Variants in PCCA observed in about 807,000 individuals in gnomAD.
The protein encoded by PCCA is propionyl-CoA carboxylase subunit alpha, also known as propionyl-CoA carboxylase alpha chain, mitochondrial.
A neutral mutation model predicts 101.3 loss-of-function variants in PCCA; 74 were observed. The observed-to-expected ratio is 0.73, with a 90% CI of 0.61 to 0.89. The LOEUF is 0.89. Among genes scored for constraint, PCCA ranks in the 40% least tolerant of loss-of-function variants. The pLI is 0.00. For synonymous variants in PCCA, 294 were observed against 313.6 expected, an observed-to-expected ratio of 0.94 and a Z score of 0.66; for missense variants, 891 against 907.0, an observed-to-expected ratio of 0.98 and a Z score of 0.23.
chr13:100,428,314 C>A (rs904949158), intron 20 of PCCA, among the ~76,000 whole-genome samples: 1 of 143,142 alleles, frequency 7.0e-6, no homozygotes, highest in African/African-American at 2.8e-5. Flanking sequence ...GCAACCCTGC[C>A]TCCTCCCCGA....
intron 21 of PCCA, among the ~76,000 whole-genome samples, chr13:100,511,409 C>A (rs1224945389): frequency 6.6e-6 from 1 of 152,142 alleles, no homozygotes; most frequent in Non-Finnish European, 1.5e-5. Context: ...AGGTGTAAAA[C>A]CTTGACTAGG....
At chr13:100,258,887 TA>T (rs1474325019) in intron 9 of PCCA, among the ~76,000 whole-genome samples, 1 of 152,160 alleles carries the variant, frequency 6.6e-6, no homozygotes, top group African/African-American at 2.4e-5. Context: ...GCTTGATAAA[TA>T]AACCATCTCA....
chr13:100,452,944 C>G (rs992349398), intron 21 of PCCA, among the ~76,000 whole-genome samples: 6 of 152,030 alleles, frequency 3.9e-5, no homozygotes, highest in African/African-American at 1.2e-4. Context: ...TGGCTCGTGC[C>G]TATAAACTCA....
In PCCA at chr13:100,126,858, A is replaced by G. The variant is rs1278317063; in HGVS notation, c.300+14797A>G. Among the ~76,000 whole-genome samples, 12 of 152,260 alleles carry G rather than the reference A, an allele frequency of 7.9e-5. No individual in the cohort carries two copies. In the East Asian group the frequency reaches 2.1e-3, roughly 27 times the overall value. On this transcript the variant is annotated intron_variant, in intron 4 of 23. Transcript: ENST00000376285. Reference sequence around the variant, plus strand: ...AACTTTCTACCAAACTGTGACTTTCATGTATTAACTTAATTAAAGCAGTGT... The same window carrying G: ...AACTTTCTACCAAACTGTGACTTTCGTGTATTAACTTAATTAAAGCAGTGT...
intron 20 of PCCA, among the ~76,000 whole-genome samples, chr13:100,435,456 G>A (rs1346002374): frequency 6.6e-6 from 1 of 152,218 alleles, no homozygotes. Flanking sequence ...CTGATTAGAT[G>A]AGTAAGTAGT....
At chr13:100,528,949 C>G (rs1270621943) in intron 23 of PCCA, among the ~76,000 whole-genome samples, 2 of 152,104 alleles carry the variant, frequency 1.3e-5, no homozygotes, top group Admixed American at 6.5e-5. Context: ...TGCGGCAGGT[C>G]TGAGGTGCTA....
intron 22 of PCCA, among the ~76,000 whole-genome samples, chr13:100,524,597 C>G (rs2087591998): frequency 6.6e-6 from 1 of 152,134 alleles, no homozygotes; most frequent in Non-Finnish European, 1.5e-5. Flanking sequence ...CTAGGCTGGG[C>G]ACAGTGGCAC....
chr13:100,324,772 G>A (rs746745809), intron 16 of PCCA, among the ~76,000 whole-genome samples: 3 of 152,182 alleles, frequency 2.0e-5, no homozygotes, highest in Non-Finnish European at 4.4e-5. Flanking sequence ...GAGTTCAAGT[G>A]TTGCGAGTAT....
At chr13:100,391,139 T>C (rs2076778558) in intron 19 of PCCA, among the ~76,000 whole-genome samples, 1 of 152,008 alleles carries the variant, frequency 6.6e-6, no homozygotes, top group African/African-American at 2.4e-5. Flanking sequence ...TGCCTCAGCC[T>C]CCCAAGTAGC....
intron 2 of PCCA, among the ~76,000 whole-genome samples, chr13:100,103,360 G>A (rs1057045150): frequency 1.3e-5 from 2 of 150,100 alleles, no homozygotes; most frequent in African/African-American, 4.9e-5. Flanking sequence ...CACCCAGGCT[G>A]GAGTGCAGTG....
chr13:100,320,567 C>T (rs1010656767), intron 16 of PCCA, among the ~76,000 whole-genome samples: 8 of 152,166 alleles, frequency 5.3e-5, no homozygotes, highest in Non-Finnish European at 1.0e-4. Context: ...GCCTTTTCTG[C>T]ATCTATTGAG....
At chr13:100,138,478 G>A (rs1282746665) in intron 4 of PCCA, among the ~76,000 whole-genome samples, 1 of 152,130 alleles carries the variant, frequency 6.6e-6, no homozygotes. Context: ...GCTTTCAACA[G>A]TTAAACGTAT....
At chr13:100,107,150 C>G (rs370414176) in intron 2 of PCCA, among the ~76,000 whole-genome samples, 87 of 152,316 alleles carry the variant, frequency 5.7e-4, no homozygotes, top group African/African-American at 1.9e-3. Flanking sequence ...GTTATTAACT[C>G]ATTTCTTATT....
chr13:100,121,713 A>T (rs1251139880), intron 4 of PCCA, among the ~76,000 whole-genome samples: 1 of 152,026 alleles, frequency 6.6e-6, no homozygotes, highest in East Asian at 1.9e-4. Context: ...TGACCTTGTG[A>T]TCTGCCCACC....
intron 22 of PCCA, among the ~76,000 whole-genome samples, chr13:100,521,419 G>GA (rs2153002768): frequency 6.6e-6 from 1 of 152,350 alleles, no homozygotes. Context: ...TTCAGCCGGA[G>GA]AAAGGGCTGG....
intron 6 of PCCA, among the ~76,000 whole-genome samples, chr13:100,191,821 C>T (rs902742461): frequency 6.6e-6 from 1 of 152,192 alleles, no homozygotes; most frequent in Admixed American, 6.5e-5. Flanking sequence ...TGAGATTTTA[C>T]GCTTGCTGGT....
intron 6 of PCCA, among the ~76,000 whole-genome samples, chr13:100,186,222 G>A (rs2057255007): frequency 1.3e-5 from 2 of 152,082 alleles, no homozygotes; most frequent in Non-Finnish European, 2.9e-5. Flanking sequence ...GTAGAGTAGG[G>A]CTTTTTAGTT....
At chr13:100,108,323 C>G (rs961241562) in intron 2 of PCCA, among the ~76,000 whole-genome samples, 1 of 152,198 alleles carries the variant, frequency 6.6e-6, no homozygotes, top group African/African-American at 2.4e-5. Context: ...GAATTCTCAT[C>G]TATCTTCAAG....
intron 7 of PCCA, among the ~76,000 whole-genome samples, chr13:100,222,997 C>A (rs1481582732): frequency 6.6e-6 from 1 of 152,150 alleles, no homozygotes; most frequent in Non-Finnish European, 1.5e-5. Flanking sequence ...TAGAGAGAAA[C>A]TAATGTTTTA....
Sources: gnomAD v4.1 joint callset for allele counts (sites outside exome capture counted in the v4.1 genomes callset) on GRCh38, gnomAD v4.1.1 for gene constraint, MANE v1.5 for transcripts, NCBI Gene and HGNC (gene_info 2026-07-23, HGNC 2026-07-21) for gene names.